The following FGF14 variants were observed in gnomAD, a reference collection of about 807,000 sequenced individuals.
The protein encoded by FGF14 is fibroblast growth factor homologous factor 4.
A neutral mutation model predicts 25.5 loss-of-function variants in FGF14; 5 were observed. The observed-to-expected ratio is 0.20, with a 90% CI of 0.10 to 0.41. The LOEUF (loss-of-function observed/expected upper bound fraction) is 0.41, where lower values mean the gene tolerates loss of function less well. Among genes scored for constraint, FGF14 ranks in the 10% least tolerant of loss-of-function variants. The probability of loss-of-function intolerance (pLI) is 1.00; values close to 1 mark genes in which losing one functional copy is unlikely to be tolerated. For missense variants in FGF14, 222 were observed against 320.1 expected, an observed-to-expected ratio of 0.69 and a Z score of 2.34; for synonymous variants, 138 against 118.3, an observed-to-expected ratio of 1.17 and a Z score of -1.08.
At chr13:101,994,249 T>C (rs755154495) in intron 1 of FGF14, among the ~76,000 whole-genome samples, 1 of 152,050 alleles carries the variant, frequency 6.6e-6, no homozygotes, top group South Asian at 2.1e-4. Flanking sequence ...CAGTTCATTC[T>C]AGTTTCCTAC....
chr13:101,767,116 C>T (rs942290208), intron 3 of FGF14, among the ~76,000 whole-genome samples: 4 of 152,112 alleles, frequency 2.6e-5, no homozygotes, highest in Non-Finnish European at 2.9e-5. Flanking sequence ...TCTGAATTAT[C>T]GTAGGCCTTT....
chr13:102,076,619 T>G (rs1034354953), intron 1 of FGF14, among the ~76,000 whole-genome samples: 1 of 152,072 alleles, frequency 6.6e-6, no homozygotes, highest in African/African-American at 2.4e-5. Context: ...TGAAAAAAAT[T>G]GAAGACACAA....
chr13:101,740,949 G>T (rs2036513594), intron 3 of FGF14, among the ~76,000 whole-genome samples: 1 of 152,136 alleles, frequency 6.6e-6, no homozygotes, highest in Admixed American at 6.5e-5. Flanking sequence ...AGGGGCAAAG[G>T]TCCTTAAATT....
At position 101,714,148 on chromosome 13, in the gene FGF14, A is replaced by G. The variant is rs1358912182; in HGVS notation, c.*8683T>C. 6.7e-6 allele frequency: 2 copies of G among 299,216 alleles called. No individual in the cohort carries two copies. Among genetic ancestry groups the G allele is most frequent in the South Asian group, 1.3e-4 (1 of 7,418 alleles). The allele number at this position is 299,216 out of a possible 1,614,324, so 18.5% of individuals were successfully genotyped here. ...TGAATACTTTTTTGGAAGACCATCT[A>G]TAAGAATCAACCCCATCCTGCTCTC... On this transcript the variant is annotated 3_prime_UTR_variant, in exon 5 of 5. Coordinates refer to ENST00000376143, the MANE Select transcript of FGF14 (RefSeq NM_004115.4).
intron 1 of FGF14, among the ~76,000 whole-genome samples, chr13:102,088,159 T>C (rs2044010527): frequency 6.6e-6 from 1 of 152,188 alleles, no homozygotes; most frequent in African/African-American, 2.4e-5. Flanking sequence ...AGTTTCCTGT[T>C]CGGGTTCGTT....
chr13:101,727,196 GT>G (rs1170958019), intron 3 of FGF14, among the ~76,000 whole-genome samples: 2 of 152,050 alleles, frequency 1.3e-5, no homozygotes, highest in Non-Finnish European at 2.9e-5. Context: ...CATTTTACAT[GT>G]TTCCATAGGA....
intron 3 of FGF14, among the ~76,000 whole-genome samples, chr13:101,865,458 T>C (rs1317437260): frequency 6.6e-6 from 1 of 152,144 alleles, no homozygotes; most frequent in Non-Finnish European, 1.5e-5. Flanking sequence ...AAATGGCTTG[T>C]ATCCGACATT....
chr13:102,379,968 C>T (rs909901973), intron 1 of FGF14, among the ~76,000 whole-genome samples: 2 of 152,096 alleles, frequency 1.3e-5, no homozygotes, highest in African/African-American at 4.8e-5. Context: ...AGATAGCTCA[C>T]TAATGATGGC....
At position 101,855,470 on chromosome 13, in the gene FGF14, T is replaced by C. The variant is rs562538537; in HGVS notation, c.408+13255A>G. 2.6e-5 allele frequency among the ~76,000 whole-genome samples: 4 copies of C among 152,136 alleles called. No homozygotes were observed. In the East Asian group the frequency reaches 7.8e-4, roughly 29 times the overall value. On this transcript the variant is annotated intron_variant, in intron 3 of 4. Transcript: ENST00000376143. ...TGTATAAATTAGTATACACTAATTA[T>C]TTGCCAGATATGAAAAGTTTCAGCA...
At chr13:102,111,727 A>G (rs1321518028) in intron 1 of FGF14, among the ~76,000 whole-genome samples, 6 of 151,898 alleles carry the variant, frequency 4.0e-5, no homozygotes, top group East Asian at 1.9e-4. Context: ...AAAAGAAAAA[A>G]AAAAAAAGAT....
At chr13:102,064,854 C>A (rs761382824) in intron 1 of FGF14, among the ~76,000 whole-genome samples, 1 of 151,950 alleles carries the variant, frequency 6.6e-6, no homozygotes, top group African/African-American at 2.4e-5. Flanking sequence ...TATGAAAATA[C>A]TATGCCATTT....
chr13:102,102,396 G>C (rs1253602106), intron 1 of FGF14, among the ~76,000 whole-genome samples: 1 of 152,194 alleles, frequency 6.6e-6, no homozygotes, highest in Non-Finnish European at 1.5e-5. Context: ...CAGAAAAATG[G>C]AAGTGCTGTT....
At chr13:102,276,136 T>A (rs958976411) in intron 1 of FGF14, among the ~76,000 whole-genome samples, 1 of 151,690 alleles carries the variant, frequency 6.6e-6, no homozygotes, top group African/African-American at 2.4e-5. Flanking sequence ...TTTCCATTAG[T>A]TAAGTAGAGA....
intron 3 of FGF14, among the ~76,000 whole-genome samples, chr13:101,770,273 A>G (rs1248711206): frequency 6.6e-6 from 1 of 152,134 alleles, no homozygotes. Flanking sequence ...GTGTGCTGTT[A>G]CATTAATGCT....
At chr13:102,266,702 G>A (rs761660390) in intron 1 of FGF14, among the ~76,000 whole-genome samples, 4 of 151,930 alleles carry the variant, frequency 2.6e-5, no homozygotes, top group Non-Finnish European at 5.9e-5. Flanking sequence ...AGAAAACAGA[G>A]ATAAAACATG....
chr13:102,328,920 C>T (rs1391685687), intron 1 of FGF14, among the ~76,000 whole-genome samples: 1 of 152,118 alleles, frequency 6.6e-6, no homozygotes, highest in Non-Finnish European at 1.5e-5. Context: ...ATTCTCCTCT[C>T]CCCTTATCAC....
chr13:102,336,809 C>T (rs2056801248), intron 1 of FGF14, among the ~76,000 whole-genome samples: 1 of 152,164 alleles, frequency 6.6e-6, no homozygotes, highest in Non-Finnish European at 1.5e-5. Context: ...CTAGAGCCCT[C>T]AAGAATTATG....
rs560283488 is a variant in FGF14 at position 102,118,548 on chromosome 13, T to C, written c.209-243252A>G. ...AATTTCAAGATGAGCCTGAGACATA[T>C]TGTGCCAGAAACCAAATAACTGATC... On this transcript the variant is annotated intron_variant, in intron 1 of 4. Coordinates refer to the FGF14 transcript ENST00000376131. Among the ~76,000 whole-genome samples, 8 of 152,212 alleles carry C rather than the reference T, an allele frequency of 5.3e-5. No individual in the cohort carries two copies. The South Asian group carries it at 1.5e-3, about 28-fold the overall frequency.
chr13:101,830,900 T>G (rs959007464), intron 3 of FGF14, among the ~76,000 whole-genome samples: 1 of 152,066 alleles, frequency 6.6e-6, no homozygotes, highest in Non-Finnish European at 1.5e-5. Context: ...TCTCTTCATC[T>G]CTAAAGCCAG....
Sources: gnomAD v4.1 joint callset for allele counts (sites outside exome capture counted in the v4.1 genomes callset) on GRCh38, gnomAD v4.1.1 for gene constraint, MANE v1.5 for transcripts, NCBI Gene and HGNC (gene_info 2026-07-23, HGNC 2026-07-21) for gene names.